The following TTC39B variants were observed in gnomAD, a reference collection of about 807,000 sequenced individuals.
TTC39B encodes the protein tetratricopeptide repeat protein 39B.
In TTC39B, 92 loss-of-function variants were observed where a neutral mutation model predicts 96.6. The observed-to-expected ratio is 0.95, with a 90% CI of 0.80 to 1.13. The LOEUF is 1.13. TTC39B is among the 50% of genes most tolerant of loss of function. The pLI is 0.00. For missense variants in TTC39B, 955 were observed against 809.3 expected (o/e 1.18, Z -2.18); for synonymous variants, 367 against 299.4 (o/e 1.23, Z -2.33).
chr9:15,203,171 C>G (rs181088141), intron 7 of TTC39B, among the ~76,000 whole-genome samples: 1 of 152,198 alleles, frequency 6.6e-6, no homozygotes, highest in Non-Finnish European at 1.5e-5. Flanking sequence ...CAGTAGAAAG[C>G]GCAAAGGAGA....
exon 15 of TTC39B, chr9:15,186,985 C>A (rs1213959250): frequency 2.5e-6 from 4 of 1,613,552 alleles, no homozygotes; most frequent in South Asian, 1.1e-5. Context: ...CTACTACATC[C>A]TCCTCTGGAA....
intron 1 of TTC39B, among the ~76,000 whole-genome samples, chr9:15,291,822 C>T (rs191197585): frequency 1.1e-3 from 164 of 152,224 alleles, no homozygotes; most frequent in African/African-American, 3.7e-3. Flanking sequence ...GCAAGGCATG[C>T]GGGAAAGAGG....
chr9:15,290,004 G>C (rs1824125246), intron 1 of TTC39B, among the ~76,000 whole-genome samples: 1 of 152,136 alleles, frequency 6.6e-6, no homozygotes, highest in South Asian at 2.1e-4. Context: ...TCCCGGTCTT[G>C]ATTTGTGACA....
intron 1 of TTC39B, among the ~76,000 whole-genome samples, chr9:15,283,686 G>C (rs1823853519): frequency 6.6e-6 from 1 of 152,138 alleles, no homozygotes; most frequent in African/African-American, 2.4e-5. Flanking sequence ...CATATATACA[G>C]ATCAATAGAA....
In TTC39B at chr9:15,245,055, C is replaced by T. The variant is rs564740445; in HGVS notation, c.276-19043G>A. 3.2e-4 allele frequency among the ~76,000 whole-genome samples: 48 copies of T among 152,288 alleles called. No individual in the cohort carries two copies. The South Asian group carries it at 4.8e-3, about 15-fold the overall frequency. On this transcript the variant is annotated intron_variant, in intron 2 of 19. Coordinates refer to ENST00000512701, the Ensembl canonical transcript of TTC39B. Reference sequence around the variant, plus strand: ...ATAGTATAATTATTGGTCTACTTTTCAATTACAGTGAGTAGCTTATGAGCT... The same window carrying T: ...ATAGTATAATTATTGGTCTACTTTTTAATTACAGTGAGTAGCTTATGAGCT...
At chr9:15,280,600 CG>C (rs1315081846) in intron 1 of TTC39B, among the ~76,000 whole-genome samples, 1 of 152,148 alleles carries the variant, frequency 6.6e-6, no homozygotes, top group Non-Finnish European at 1.5e-5. Context: ...ATGTGTGGCC[CG>C]AACAGTGATG....
At chr9:15,219,302 T>G (rs533852294) in intron 3 of TTC39B, among the ~76,000 whole-genome samples, 4 of 152,278 alleles carry the variant, frequency 2.6e-5, no homozygotes, top group African/African-American at 9.6e-5. Flanking sequence ...GAGGCATTAC[T>G]ACAATTCTCC....
At chr9:15,305,754 C>G (rs57245377) in intron 1 of TTC39B, among the ~76,000 whole-genome samples, 1 of 150,574 alleles carries the variant, frequency 6.6e-6, no homozygotes, top group African/African-American at 2.5e-5. Flanking sequence ...CAAAGTATCT[C>G]CGAAACAGTC....
At chr9:15,251,731 A>ATATATATG (rs1563764609) in intron 2 of TTC39B, among the ~76,000 whole-genome samples, 1 of 126,950 alleles carries the variant, frequency 7.9e-6, no homozygotes, top group African/African-American at 3.2e-5. Context: ...ATATATATAT[A>ATATATATG]TATATGTAGT....
At chr9:15,195,838 T>C (rs1223613978) in intron 8 of TTC39B, among the ~76,000 whole-genome samples, 1 of 152,190 alleles carries the variant, frequency 6.6e-6, no homozygotes, top group Non-Finnish European at 1.5e-5. Context: ...GAAGATGCTA[T>C]CTAGAACTTT....
chr9:15,238,493 T>A (rs947381755), intron 2 of TTC39B, among the ~76,000 whole-genome samples: 3 of 152,212 alleles, frequency 2.0e-5, no homozygotes, highest in Non-Finnish European at 4.4e-5. Context: ...ATACCAATTA[T>A]GTTCAAGCTG....
intron 3 of TTC39B, among the ~76,000 whole-genome samples, chr9:15,218,665 T>A (rs138131658): frequency 6.8e-6 from 1 of 147,334 alleles, no homozygotes; most frequent in Non-Finnish European, 1.5e-5. Context: ...ACATAACTTA[T>A]AAAAATTTGG....
chr9:15,196,375 C>A (rs1381998372), intron 8 of TTC39B, among the ~76,000 whole-genome samples: 1 of 152,208 alleles, frequency 6.6e-6, no homozygotes, highest in East Asian at 1.9e-4. Context: ...GGAAAGGATT[C>A]ATCATTCTAC....
chr9:15,238,090 A>T (rs1213828887), intron 2 of TTC39B, among the ~76,000 whole-genome samples: 1 of 152,168 alleles, frequency 6.6e-6, no homozygotes, highest in Non-Finnish European at 1.5e-5. Flanking sequence ...CCTTCAACAA[A>T]CCAGGCATCA....
chr9:15,285,897 C>A (rs1472254743), intron 1 of TTC39B, among the ~76,000 whole-genome samples: 1 of 152,112 alleles, frequency 6.6e-6, no homozygotes, highest in Non-Finnish European at 1.5e-5. Context: ...TGCCATTTAC[C>A]AAATTTATCT....
intron 2 of TTC39B, among the ~76,000 whole-genome samples, chr9:15,241,153 G>A (rs1006386492): frequency 5.9e-5 from 9 of 152,170 alleles, no homozygotes; most frequent in African/African-American, 1.9e-4. Flanking sequence ...CCTTAGCTCT[G>A]TATGGAAAAT....
At chr9:15,220,395 G>A (rs1328270196) in intron 3 of TTC39B, among the ~76,000 whole-genome samples, 1 of 152,184 alleles carries the variant, frequency 6.6e-6, no homozygotes. Flanking sequence ...ATAGTCTACA[G>A]TGGGCTGTGT....
At chr9:15,284,671 T>G (rs1823890989) in intron 1 of TTC39B, among the ~76,000 whole-genome samples, 1 of 152,292 alleles carries the variant, frequency 6.6e-6, no homozygotes, top group Middle Eastern at 3.4e-3. Flanking sequence ...AAAGCCAGAT[T>G]TGCAGATTTC....
rs1817754490 is a variant in TTC39B at position 15,173,225 on chromosome 9, T to C, written c.1959-1116A>G. Among the ~76,000 whole-genome samples the C allele has an allele frequency of 3.9e-5, 6 of 152,268 alleles. No homozygotes were observed. The South Asian group carries it at 1.2e-3, about 32-fold the overall frequency. The stretch of plus-strand genomic sequence containing the variant: ...TTTCCAATAGCTGGATTTGAAGATA[T>C]CTATATCTAACACATGAAATATTGG... On this transcript the variant is annotated intron_variant, in intron 19 of 19. Coordinates refer to ENST00000512701, the Ensembl canonical transcript of TTC39B.
Sources: allele counts gnomAD v4.1 joint callset (sites outside exome capture counted in the v4.1 genomes callset), GRCh38; gene constraint gnomAD v4.1.1; transcripts MANE v1.5; gene names NCBI Gene and HGNC (gene_info 2026-07-23, HGNC 2026-07-21).